The following POLA2 variants were observed in gnomAD, a reference collection of about 807,000 sequenced individuals.
POLA2 encodes DNA polymerase alpha subunit B.
Under a neutral mutation model 82.8 loss-of-function variants are expected in POLA2, and 47 were observed. The ratio of observed to expected loss-of-function variants is 0.57; its 90% CI spans 0.45 to 0.72. POLA2 has a LOEUF of 0.72. Among genes scored for constraint, POLA2 ranks in the 30% least tolerant of loss-of-function variants. The pLI, the probability that POLA2 is intolerant of heterozygous loss-of-function variation, is 0.00. For missense variants in POLA2, 634 were observed against 728.1 expected, an observed-to-expected ratio of 0.87 and a Z score of 1.49; for synonymous variants, 287 against 286.8, an observed-to-expected ratio of 1.00 and a Z score of -0.01.
At chr11:65,282,593 C>A in intron 10 of POLA2, 72 bp downstream of exon 10, 3 of 1,303,220 alleles carry the variant, frequency 2.3e-6, no homozygotes, top group Non-Finnish European at 3.3e-6. Context: ...TGCAGTTTCC[C>A]AAGCCCAAGA....
chr11:65,287,510 G>A (rs1175298162), intron 10 of POLA2: 16 of 391,054 alleles, frequency 4.1e-5, no homozygotes, highest in East Asian at 8.0e-5. Flanking sequence ...CTAGGTATTC[G>A]TGTACCTGCC....
In POLA2 at chr11:65,289,742, A is replaced by T; in HGVS notation, c.1171-57A>T. The T allele has an allele frequency of 3.5e-6, 4 of 1,147,318 alleles. 1 individual carries two copies. The South Asian group carries it at 5.1e-5, about 15-fold the overall frequency. The allele number at this position is 1,147,318 out of a possible 1,614,324, so 71.1% of individuals were successfully genotyped here. ...TATGGGTCACCTAACAATGTTAAAC[A>T]AGTGAATAAACACCAAACATCTGCC... On this transcript the variant is annotated intron_variant, in intron 12 of 17. Transcript: ENST00000265465.
chr11:65,302,955 C>A (rs1253415848), downstream of POLA2, among the ~76,000 whole-genome samples: 1 of 152,098 alleles, frequency 6.6e-6, no homozygotes, highest in Non-Finnish European at 1.5e-5. Flanking sequence ...AAGCAATCCT[C>A]CTGCCTGAGC....
intron 12 of POLA2, among the ~76,000 whole-genome samples, chr11:65,289,302 G>A (rs915794394): frequency 2.6e-5 from 4 of 152,184 alleles, no homozygotes; most frequent in Admixed American, 2.6e-4. Context: ...GCTGGGGGAG[G>A]GACATATAAG....
At chr11:65,265,338 AC>A (rs965629794) in intron 1 of POLA2, among the ~76,000 whole-genome samples, 9 of 152,100 alleles carry the variant, frequency 5.9e-5, no homozygotes, top group African/African-American at 2.2e-4. Context: ...ACTCAAGGTC[AC>A]CAGTGACCTT....
chr11:65,282,505 C>T lies in POLA2; in HGVS notation c.990C>T (p.Pro330=), dbSNP rs745762285. The T allele has an allele frequency of 1.2e-6, 2 of 1,613,584 alleles. No individual in the cohort carries two copies. The highest frequency in any genetic ancestry group is 1.7e-6 in the Non-Finnish European group (2 of 1,179,576). ...GTGTGCCACTTCCATTTTATCAGCCCACTGAAGAGGATGCAGGTGAGTTTC... is the reference window on the plus strand; with the variant it reads ...GTGTGCCACTTCCATTTTATCAGCCTACTGAAGAGGATGCAGGTGAGTTTC... ...YEGVPLPFYQ[P]TEEDADFEQS... The change falls in exon 10 of 18, where the codon CCC becomes CCT. Residue 330 remains proline (P), a synonymous_variant. Transcript: ENST00000265465.
Position 65,294,241 on chromosome 11 carries a change from C to A in POLA2, c.1333C>A (p.Leu445Met). 1 of 1,614,046 alleles carries A rather than the reference C, an allele frequency of 6.2e-7. No homozygotes were observed. The highest frequency in any genetic ancestry group is 8.5e-7 in the Non-Finnish European group (1 of 1,179,888). ...YPQPPFSYSD[L>M]SREDKKQVQF... The stretch of plus-strand genomic sequence containing the variant: ...CCAGCCGCCTTTCAGCTACTCCGAT[C>A]TGTCTCGAGAGGACAAAAAGGTAGC... Residue 445 changes from leucine (L) to methionine (M), a missense_variant, in exon 14 of 18, where the codon CTG becomes ATG. Leu to Met is a conservative substitution (Grantham distance 15). Coordinates refer to ENST00000265465, the MANE Select transcript of POLA2 (RefSeq NM_002689.4).
Position 65,289,847 on chromosome 11 carries a change from C to A in POLA2, c.1219C>A (p.Arg407=). ...PFEDIFKQCL[R]TIIEGTRSSG... is the part of the protein sequence containing the mutation. ...TGAAGACATTTTCAAGCAGTGTCTA[C>A]GAACAATTATTGAAGGCACAAGAAG... is the stretch of plus-strand genomic sequence containing the variant. The change falls in exon 13 of 18, where the codon CGA becomes AGA. Residue 407 remains arginine, a synonymous_variant. Coordinates refer to ENST00000265465, the MANE Select transcript of POLA2 (RefSeq NM_002689.4). 1 of 1,609,776 alleles carries A rather than the reference C, an allele frequency of 6.2e-7. No homozygotes were observed. The highest frequency in any genetic ancestry group is 1.1e-5 in the South Asian group (1 of 90,980).
At chr11:65,284,281 C>T (rs969294271) in intron 10 of POLA2, among the ~76,000 whole-genome samples, 12 of 151,992 alleles carry the variant, frequency 7.9e-5, no homozygotes, top group Non-Finnish European at 1.8e-4. Flanking sequence ...AGTTTAGCCT[C>T]CCGGCACATA....
At chr11:65,279,719 G>A in intron 7 of POLA2, 93 bp downstream of exon 7, 1 of 899,220 alleles carries the variant, frequency 1.1e-6, no homozygotes, top group South Asian at 1.5e-5. Context: ...TTCACTTCTT[G>A]TCTGTGTTCT....
chr11:65,290,904 T>G lies in POLA2; in HGVS notation c.1244+1032T>G, dbSNP rs11820125. Among the ~76,000 whole-genome samples the G allele has an allele frequency of 2.7e-3, 412 of 152,344 alleles. 4 individuals are homozygous for G. The highest frequency in any genetic ancestry group is 9.4e-3 in the African/African-American group (389 of 41,586). ...TGCTTCCCCAGGGTGCGTGGGAAGC[T>G]GCCAGTGGCTACAGCTGGTGGTGAT... On this transcript the variant is annotated intron_variant, in intron 13 of 17. Transcript: ENST00000265465.
rs1378788014 is a variant in POLA2, at chr11:65,280,992, G to C, written c.745G>C (p.Glu249Gln). 6.2e-7 allele frequency: 1 copy of C among 1,613,342 alleles called. No homozygotes were observed. The highest frequency in any genetic ancestry group is 8.5e-7 in the Non-Finnish European group (1 of 1,179,886). Residue 249 changes from glutamate (E) to glutamine (Q), a missense_variant and splice_region_variant, in exon 8 of 18, where the codon GAG becomes CAG. Glu to Gln is a conservative substitution (Grantham distance 29). Transcript: ENST00000265465. ...AFTPLLAPAQ[E>Q]PVTLLGQIGC... ...TTATGCTGTGACCTTCCTTTGGTAG[G>C]AGCCTGTCACTCTGCTGGGCCAGAT... is the stretch of plus-strand genomic sequence containing the variant.
At chr11:65,295,669 A>T in intron 16 of POLA2, 70 bp downstream of exon 16, 1 of 1,423,638 alleles carries the variant, frequency 7.0e-7, no homozygotes, top group East Asian at 2.3e-5. Context: ...GACAAGCATG[A>T]CTGTAAGAGC....
intron 10 of POLA2, 29 bp downstream of exon 10, chr11:65,282,550 C>T: frequency 6.3e-7 from 1 of 1,586,562 alleles, no homozygotes; most frequent in Non-Finnish European, 8.7e-7. Flanking sequence ...ATTGTTTTGC[C>T]AACAATGAGG....
chr11:65,289,169 C>A, intron 12 of POLA2, 81 bp downstream of exon 12: 1 of 1,109,326 alleles, frequency 9.0e-7, no homozygotes, highest in East Asian at 2.4e-5. Context: ...GTGTTTATCC[C>A]ACATCTGTAA....
At chr11:65,271,681 A>G (rs1205084904) in intron 4 of POLA2, among the ~76,000 whole-genome samples, 1 of 151,066 alleles carries the variant, frequency 6.6e-6, no homozygotes, top group Non-Finnish European at 1.5e-5. Context: ...CTCCATCTCT[A>G]CTCAAAAAAT....
At chr11:65,295,696 G>C in intron 16 of POLA2, 97 bp downstream of exon 16, 2 of 1,332,436 alleles carry the variant, frequency 1.5e-6, no homozygotes, top group Non-Finnish European at 2.2e-6. Context: ...CAGGCTACCA[G>C]CAGGGAACTT....
downstream of POLA2, among the ~76,000 whole-genome samples, chr11:65,298,916 A>G (rs982457321): frequency 4.6e-5 from 7 of 152,176 alleles, no homozygotes; most frequent in African/African-American, 1.4e-4. Context: ...GTTGGAAATG[A>G]TCTGGGAGGG....
At position 65,278,837 on chromosome 11, in the gene POLA2, A is replaced by G. The variant is rs1343737124; in HGVS notation, c.569A>G (p.Asn190Ser). Residue 190 changes from asparagine (N) to serine (S), a missense_variant, in exon 6 of 18, where the codon AAC becomes AGC. Coordinates refer to ENST00000265465, the MANE Select transcript of POLA2 (RefSeq NM_002689.4). ...TGGTCTGGGAGAGGAGGAGCTGGAAACATCAGCCTGAAGGTCTTGGGATGT... is the reference window on the plus strand; with the variant it reads ...TGGTCTGGGAGAGGAGGAGCTGGAAGCATCAGCCTGAAGGTCTTGGGATGT... ...VSWSGRGGAGNISLKVLGCPE... is the reference protein window; with the variant it reads ...VSWSGRGGAGSISLKVLGCPE... 1.9e-6 allele frequency: 3 copies of G among 1,613,772 alleles called. No homozygotes were observed. The highest frequency in any genetic ancestry group is 2.7e-5 in the African/African-American group (2 of 74,912).
Sources: allele counts gnomAD v4.1 joint callset (sites outside exome capture counted in the v4.1 genomes callset), GRCh38; gene constraint gnomAD v4.1.1; transcripts MANE v1.5; gene names NCBI Gene and HGNC (gene_info 2026-07-23, HGNC 2026-07-21).